The following GPR158 variants were observed in gnomAD, a reference collection of about 807,000 sequenced individuals.
The protein encoded by GPR158 is metabotropic glycine receptor.
Under a neutral mutation model 78.2 loss-of-function variants are expected in GPR158, and 30 were observed. The observed-to-expected ratio is 0.38, with a 90% CI of 0.29 to 0.52. GPR158 has a LOEUF of 0.52. GPR158 is among the 20% of genes least tolerant of loss of function. The pLI is 0.83. For missense variants in GPR158, 1,463 were observed against 1,523.5 expected (o/e 0.96, Z 0.66); for synonymous variants, 581 against 591.1 (o/e 0.98, Z 0.25).
chr10:25,195,161 A>G (rs1317560308), intron 1 of GPR158, among the ~76,000 whole-genome samples: 5 of 151,746 alleles, frequency 3.3e-5, no homozygotes, highest in African/African-American at 1.2e-4. Context: ...GTTAAAAAAA[A>G]AAACCCAAGG....
chr10:25,581,391 G>A (rs1192914362), intron 7 of GPR158, among the ~76,000 whole-genome samples: 1 of 152,140 alleles, frequency 6.6e-6, no homozygotes, highest in Admixed American at 6.5e-5. Context: ...TCAATCAAAG[G>A]ATAGAAGCCT....
intron 5 of GPR158, among the ~76,000 whole-genome samples, chr10:25,510,993 G>A (rs1388445598): frequency 6.6e-6 from 1 of 152,158 alleles, no homozygotes; most frequent in African/African-American, 2.4e-5. Context: ...TGCAAATTAT[G>A]CTGCTATAAC....
At position 25,175,540 on chromosome 10, in the gene GPR158, G is replaced by T; in HGVS notation, c.120G>T (p.Pro40=). ...GRPDSPRERT[P]KGKPHAQQPG... ...CGGATTCCCCTCGAGAGAGGACCCCGAAGGGGAAGCCGCACGCCCAGCAGC... is the reference window on the plus strand; with the variant it reads ...CGGATTCCCCTCGAGAGAGGACCCCTAAGGGGAAGCCGCACGCCCAGCAGC... Residue 40 remains proline (P), a synonymous_variant, in exon 1 of 11, where the codon CCG becomes CCT. Transcript: ENST00000376351. This position sits in a 1 kb window ranked among gnomAD's most constrained non-coding sequence, Gnocchi z 6.4. 1 of 1,611,790 alleles carries T rather than the reference G, an allele frequency of 6.2e-7. No individual in the cohort carries two copies.
intron 2 of GPR158, among the ~76,000 whole-genome samples, chr10:25,226,028 T>C (rs1406385606): frequency 1.3e-5 from 2 of 152,194 alleles, no homozygotes; most frequent in African/African-American, 4.8e-5. Flanking sequence ...TAACTTTTCA[T>C]TTACTGAATC....
chr10:25,205,261 A>G (rs1431038689), intron 1 of GPR158, among the ~76,000 whole-genome samples: 1 of 140,636 alleles, frequency 7.1e-6, no homozygotes. Flanking sequence ...AATTGTGTTT[A>G]TTTGGATCTT....
At chr10:25,451,726 A>G (rs1412126067) in intron 4 of GPR158, among the ~76,000 whole-genome samples, 5 of 151,974 alleles carry the variant, frequency 3.3e-5, no homozygotes, top group Non-Finnish European at 2.9e-5. Context: ...CGTACCTACT[A>G]TTTGTTGTGA....
intron 2 of GPR158, among the ~76,000 whole-genome samples, chr10:25,226,531 A>G (rs1385308689): frequency 6.6e-6 from 1 of 152,232 alleles, no homozygotes; most frequent in Non-Finnish European, 1.5e-5. Context: ...AATGTTGCAA[A>G]CTATTTTTAA....
chr10:25,390,331 G>C (rs1006526953), intron 2 of GPR158, among the ~76,000 whole-genome samples: 1 of 152,238 alleles, frequency 6.6e-6, no homozygotes, highest in Admixed American at 6.5e-5. Flanking sequence ...AAGGCTGTGG[G>C]AAAGTGTGGA....
intron 2 of GPR158, among the ~76,000 whole-genome samples, chr10:25,330,889 T>C (rs1353490393): frequency 6.6e-6 from 1 of 152,210 alleles, no homozygotes; most frequent in Non-Finnish European, 1.5e-5. Flanking sequence ...AATGCCCAAA[T>C]TATAATAAAT....
At chr10:25,517,585 T>C (rs959345440) in intron 5 of GPR158, among the ~76,000 whole-genome samples, 14 of 152,056 alleles carry the variant, frequency 9.2e-5, no homozygotes, top group Admixed American at 4.6e-4. Context: ...GCATGAAGGG[T>C]TGTTGAATTT....
At chr10:25,194,701 T>C (rs1212600967) in intron 1 of GPR158, among the ~76,000 whole-genome samples, 1 of 152,260 alleles carries the variant, frequency 6.6e-6, no homozygotes, top group African/African-American at 2.4e-5. Flanking sequence ...TTTTAGGAAA[T>C]AAAATCATCA....
At chr10:25,356,541 C>T (rs1050423593) in intron 2 of GPR158, among the ~76,000 whole-genome samples, 6 of 152,020 alleles carry the variant, frequency 3.9e-5, no homozygotes, top group Non-Finnish European at 8.8e-5. Flanking sequence ...TGGGGGAGAG[C>T]TTTTCCCATG....
chr10:25,341,678 A>G (rs1245049730), intron 2 of GPR158, among the ~76,000 whole-genome samples: 2 of 151,846 alleles, frequency 1.3e-5, no homozygotes, highest in East Asian at 1.9e-4. Context: ...TAAGCAAATC[A>G]TTCGTCTCTC....
chr10:25,490,778 C>A (rs896311784), intron 5 of GPR158, among the ~76,000 whole-genome samples: 4 of 150,790 alleles, frequency 2.7e-5, no homozygotes, highest in Non-Finnish European at 4.4e-5. Flanking sequence ...TTTATAGCAG[C>A]ATGATTTATA....
At chr10:25,253,357 A>G (rs935091488) in intron 2 of GPR158, among the ~76,000 whole-genome samples, 2 of 151,354 alleles carry the variant, frequency 1.3e-5, no homozygotes, top group African/African-American at 4.9e-5. Context: ...ATTCTTTAGA[A>G]TAATGGGGGA....
chr10:25,253,692 A>T (rs1317948265), intron 2 of GPR158, among the ~76,000 whole-genome samples: 2 of 151,674 alleles, frequency 1.3e-5, no homozygotes, highest in East Asian at 1.9e-4. Flanking sequence ...ACCGTTATTT[A>T]TATATATATA....
intron 5 of GPR158, among the ~76,000 whole-genome samples, chr10:25,516,196 T>C (rs1024422796): frequency 4.6e-5 from 7 of 151,906 alleles, no homozygotes; most frequent in African/African-American, 7.3e-5. Flanking sequence ...TCATGTCCTT[T>C]GCCCACTTTT....
intron 2 of GPR158, among the ~76,000 whole-genome samples, chr10:25,226,810 T>G (rs1853378606): frequency 6.6e-6 from 1 of 152,216 alleles, no homozygotes; most frequent in South Asian, 2.1e-4. Context: ...ATGGCCTCCC[T>G]CTAATGCATG....
intron 2 of GPR158, among the ~76,000 whole-genome samples, chr10:25,232,276 G>A (rs2130696460): frequency 6.6e-6 from 1 of 152,160 alleles, no homozygotes; most frequent in East Asian, 1.9e-4. Flanking sequence ...ATATAGCTTT[G>A]CATCATTAAC....
Sources: gnomAD v4.1 joint callset for allele counts (sites outside exome capture counted in the v4.1 genomes callset) on GRCh38, gnomAD v4.1.1 for gene constraint, Gnocchi (gnomAD v3.1) non-coding constraint, MANE v1.5 for transcripts, NCBI Gene and HGNC (gene_info 2026-07-23, HGNC 2026-07-21) for gene names.